DRC1: variants seen among roughly 807,000 people sequenced by gnomAD.
The protein encoded by DRC1 is dynein regulatory complex subunit 1.
Under a neutral mutation model 98.7 loss-of-function variants are expected in DRC1, and 74 were observed. The ratio of observed to expected loss-of-function variants is 0.75; its 90% CI spans 0.62 to 0.91. The LOEUF is 0.91. Ranked by LOEUF, DRC1 falls within the 40% of genes least tolerant of loss-of-function variation. DRC1 has a pLI of 0.00. For synonymous variants in DRC1, 336 were observed against 334.1 expected (o/e 1.01, Z -0.06); for missense variants, 875 against 886.0 (o/e 0.99, Z 0.16).
At chr2:26,455,281 G>A in intron 16 of DRC1, 48 bp downstream of exon 16, 4 of 1,574,274 alleles carry the variant, frequency 2.5e-6, no homozygotes, top group Non-Finnish European at 2.6e-6. Flanking sequence ...ACACGGGTGG[G>A]GCAGGGGCAC....
At chr2:26,415,545 T>C (rs115923976) in intron 2 of DRC1, among the ~76,000 whole-genome samples, 1,906 of 152,342 alleles carry the variant, frequency 0.013, 41 homozygotes, top group African/African-American at 0.043. Flanking sequence ...GAAAGGATAC[T>C]GGACTGATGT....
At chr2:26,450,554 A>T (rs778283211) in intron 12 of DRC1, 38 bp from the exon 13 acceptor site, 78 of 1,595,446 alleles carry the variant, frequency 4.9e-5, no homozygotes, top group Non-Finnish European at 6.5e-5. Flanking sequence ...TGGCCTCTTG[A>T]TGGGGTGTTT....
intron 4 of DRC1, 87 bp downstream of exon 4, chr2:26,424,541 AAT>A: frequency 2.2e-6 from 3 of 1,355,764 alleles, no homozygotes; most frequent in Non-Finnish European, 3.0e-6. Context: ...TGAATGGAAA[AAT>A]GTAGAAACCT....
At chr2:26,425,231 G>A (rs950463049) in intron 4 of DRC1, among the ~76,000 whole-genome samples, 5 of 152,184 alleles carry the variant, frequency 3.3e-5, no homozygotes, top group African/African-American at 7.2e-5. Context: ...GATGGACTTC[G>A]TTGTAGCACG....
At chr2:26,422,468 C>T (rs1433890877) in intron 3 of DRC1, among the ~76,000 whole-genome samples, 2 of 152,166 alleles carry the variant, frequency 1.3e-5, no homozygotes, top group East Asian at 3.9e-4. Flanking sequence ...CTGCCCTGCA[C>T]GCCCATGTCC....
intron 6 of DRC1, among the ~76,000 whole-genome samples, chr2:26,431,247 C>T (rs1417346506): frequency 1.3e-5 from 2 of 152,230 alleles, no homozygotes; most frequent in Non-Finnish European, 2.9e-5. Context: ...AGCCTCCGCG[C>T]CCGGCCGCCT....
chr2:26,456,127 T>C (rs1664160936), intron 16 of DRC1, among the ~76,000 whole-genome samples: 3 of 152,180 alleles, frequency 2.0e-5, no homozygotes, highest in Admixed American at 2.0e-4. Flanking sequence ...CAGATGCTAC[T>C]GTATACAAGA....
intron 8 of DRC1, among the ~76,000 whole-genome samples, chr2:26,442,333 C>T (rs990543512): frequency 6.6e-6 from 1 of 152,340 alleles, no homozygotes; most frequent in East Asian, 1.9e-4. Context: ...AAACTTCCCA[C>T]AGTAGGATAC....
intron 13 of DRC1, among the ~76,000 whole-genome samples, chr2:26,453,021 G>T (rs754415840): frequency 2.4e-4 from 37 of 152,150 alleles, no homozygotes; most frequent in Non-Finnish European, 5.0e-4. Flanking sequence ...AATTTAATCT[G>T]TATTATGATT....
chr2:26,419,641 G>T (rs1008062587), intron 2 of DRC1, among the ~76,000 whole-genome samples: 21 of 152,122 alleles, frequency 1.4e-4, no homozygotes, highest in Admixed American at 1.2e-3. Flanking sequence ...GAAGTCTCTG[G>T]TCATTTCTGT....
At chr2:26,453,234 T>A in intron 13 of DRC1, 86 bp from the exon 14 acceptor site, 1 of 1,517,324 alleles carries the variant, frequency 6.6e-7, no homozygotes, top group Non-Finnish European at 8.9e-7. Flanking sequence ...TCTGTAAACT[T>A]TTCTGGTTTT....
chr2:26,418,209 A>G (rs574688715), intron 2 of DRC1, among the ~76,000 whole-genome samples: 8 of 151,792 alleles, frequency 5.3e-5, no homozygotes, highest in Non-Finnish European at 1.2e-4. Flanking sequence ...CCCACCTTCA[A>G]CCTATATGTG....
intron 4 of DRC1, among the ~76,000 whole-genome samples, chr2:26,427,628 C>T (rs572051086): frequency 3.4e-4 from 52 of 152,178 alleles, no homozygotes; most frequent in African/African-American, 1.3e-3. Context: ...ATCTAGCTGA[C>T]CTTAGTCACG....
rs1186459948 is a variant in DRC1, at chr2:26,440,380, T to C, written c.891T>C (p.Ile297=). The C allele has an allele frequency of 6.2e-7, 1 of 1,608,544 alleles. No individual in the cohort carries two copies. The highest frequency in any genetic ancestry group is 1.7e-5 in the Admixed American group (1 of 59,162). ...ATATATAGTTTTTTTAACTTTAGAT[T>C]CTTGAGCAGCAGCTTCAGCAGAGGA... is the stretch of plus-strand genomic sequence containing the variant. ...IKIKLEQDVQ[I]LEQQLQQRKA... is the part of the protein sequence containing the mutation. The change falls in exon 8 of 17, where the codon ATT becomes ATC. Residue 297 remains isoleucine, a splice_region_variant and synonymous_variant. Transcript: ENST00000288710.
At chr2:26,429,520 T>C in intron 4 of DRC1, 108 bp from the exon 5 acceptor site, 1 of 1,438,086 alleles carries the variant, frequency 7.0e-7, no homozygotes, top group Non-Finnish European at 9.5e-7. Flanking sequence ...TTGTACAGTT[T>C]CATGTCCTAA....
intron 3 of DRC1, among the ~76,000 whole-genome samples, chr2:26,422,513 G>A (rs1017924577): frequency 6.6e-6 from 1 of 152,148 alleles, no homozygotes; most frequent in Non-Finnish European, 1.5e-5. Context: ...AGGCATAAGC[G>A]GCTTAGAAGA....
At chr2:26,440,261 A>G (rs1663681125) in intron 7 of DRC1, 117 bp from the exon 8 acceptor site, 10 of 1,242,112 alleles carry the variant, frequency 8.1e-6, no homozygotes, top group Non-Finnish European at 1.0e-5. Flanking sequence ...TCCCCAAAAG[A>G]CATTTTAAAT....
chr2:26,447,025 G>A (rs1042633446), intron 10 of DRC1, among the ~76,000 whole-genome samples: 1 of 151,964 alleles, frequency 6.6e-6, no homozygotes, highest in Non-Finnish European at 1.5e-5. Context: ...GGGAGGTGGA[G>A]GTTGTAGTGA....
Position 26,451,149 on chromosome 2 carries a change from C to T in DRC1, c.1689+468C>T, listed in dbSNP as rs117073658. ...TCAGGTATAGCTAACTTAGCATTTC[C>T]CTTATTGTTTATCAATTTGTCTCTT... On this transcript the variant is annotated intron_variant, in intron 13 of 16. Coordinates refer to ENST00000288710, the MANE Select transcript of DRC1 (RefSeq NM_145038.5). 5.1e-3 allele frequency among the ~76,000 whole-genome samples: 777 copies of T among 152,198 alleles called. 23 individuals carry two copies. The South Asian group carries it at 0.078, about 15-fold the overall frequency.
Sources: gnomAD v4.1 joint callset for allele counts (sites outside exome capture counted in the v4.1 genomes callset) on GRCh38, gnomAD v4.1.1 for gene constraint, MANE v1.5 for transcripts, NCBI Gene and HGNC (gene_info 2026-07-23, HGNC 2026-07-21) for gene names.